The following SLC25A41 variants were observed in gnomAD, a reference collection of about 807,000 sequenced individuals.
SLC25A41 encodes the protein mitochondrial carrier protein SCaMC-3L.
In SLC25A41, 35 loss-of-function variants were observed where a neutral mutation model predicts 34.7. The ratio of observed to expected loss-of-function variants is 1.01; its 90% CI spans 0.77 to 1.34. The LOEUF is 1.34. Ranked by LOEUF, SLC25A41 falls within the 40% of genes most tolerant of loss-of-function variation. The pLI is 0.00. For missense variants in SLC25A41, 492 were observed against 489.8 expected (o/e 1.00, Z -0.04); for synonymous variants, 190 against 209.9 (o/e 0.91, Z 0.82).
chr19:6,432,985 C>G (rs2092292802), intron 1 of SLC25A41, among the ~76,000 whole-genome samples: 2 of 151,810 alleles, frequency 1.3e-5, no homozygotes, highest in Non-Finnish European at 2.9e-5. Context: ...TATAGACTCT[C>G]TAAGTTACTC....
rs2092293414 is a variant in SLC25A41, at chr19:6,433,150, GC to G, written c.207+336del. ...TGCAACCTCTACCTCCTGAGTTCAA[GC>G]GATTCTCCTGCCTCAGCCTCCTGAG... On this transcript the variant is annotated intron_variant, in intron 1 of 6. Transcript: ENST00000321510. Among the ~76,000 whole-genome samples, 4 of 152,238 alleles carry G rather than the reference GC, an allele frequency of 2.6e-5. No homozygotes were observed. In the South Asian group the frequency reaches 6.2e-4, roughly 24 times the overall value.
At chr19:6,431,128 TTTAA>T (rs886183094) in intron 2 of SLC25A41, among the ~76,000 whole-genome samples, 18 of 151,920 alleles carry the variant, frequency 1.2e-4, no homozygotes, top group Admixed American at 3.3e-4. Flanking sequence ...TTTTTAAATT[TTTAA>T]TTAATTAATT....
chr19:6,434,102 C>T (rs893049569), upstream of SLC25A41, among the ~76,000 whole-genome samples: 1 of 152,148 alleles, frequency 6.6e-6, no homozygotes, highest in African/African-American at 2.4e-5. Context: ...CGCCACCACG[C>T]CCAGCTAATT....
chr19:6,429,951 T>G, intron 3 of SLC25A41, 58 bp downstream of exon 3: 1 of 1,596,916 alleles, frequency 6.3e-7, no homozygotes, highest in Non-Finnish European at 8.5e-7. Context: ...CCTGGAGTTT[T>G]GGGGGCATGG....
rs961111461 is a variant in SLC25A41, at chr19:6,427,600, C to T, written c.625-99G>A. 1.5e-6 allele frequency: 2 copies of T among 1,320,550 alleles called. No individual in the cohort carries two copies. Among genetic ancestry groups the T allele is most frequent in the South Asian group, 1.7e-5 (1 of 57,422 alleles). The allele number at this position is 1,320,550 out of a possible 1,614,324, so 81.8% of individuals were successfully genotyped here. Reference sequence around the variant, plus strand: ...CACCCTACAAACAAGGAAAATGAGGCTCAGGAAGGCAAAGAGCTGGGTTTC... The same window carrying T: ...CACCCTACAAACAAGGAAAATGAGGTTCAGGAAGGCAAAGAGCTGGGTTTC... On this transcript the variant is annotated intron_variant, in intron 4 of 6. Coordinates refer to ENST00000321510, the MANE Select transcript of SLC25A41 (RefSeq NM_173637.4). The surrounding 1 kb of genome is among the most constrained non-coding windows in gnomAD (Gnocchi z 4.9).
At position 6,432,029 on chromosome 19, in the gene SLC25A41, T is replaced by C; in HGVS notation, c.363+20A>G. 6.2e-7 allele frequency: 1 copy of C among 1,600,142 alleles called. No individual in the cohort carries two copies. The highest frequency in any genetic ancestry group is 8.5e-7 in the Non-Finnish European group (1 of 1,172,708). ...GTGGCTCCAGCGCTGGGTCCCGTCC[T>C]CCCCCCAACCCACACAAACCTGCAT... On this transcript the variant is annotated intron_variant, in intron 2 of 6. Transcript: ENST00000321510.
intron 2 of SLC25A41, chr19:6,430,531 A>T (rs1433015102): frequency 2.7e-6 from 1 of 370,366 alleles, no homozygotes; most frequent in Admixed American, 3.8e-5. Context: ...TCTGTCGCCC[A>T]GGCTGGAGTG....
intron 4 of SLC25A41, among the ~76,000 whole-genome samples, chr19:6,429,338 G>A (rs1190173736): frequency 3.2e-5 from 4 of 123,108 alleles, no homozygotes; most frequent in Non-Finnish European, 3.4e-5. Context: ...GAGGTAAAGG[G>A]GGAAGAGGGA....
chr19:6,431,494 C>T (rs940691111), intron 2 of SLC25A41, among the ~76,000 whole-genome samples: 13 of 150,906 alleles, frequency 8.6e-5, no homozygotes, highest in Non-Finnish European at 1.8e-4. Context: ...GGCTGGAGTG[C>T]AGTGATGCAA....
chr19:6,435,911 C>T (rs1052755902), upstream of SLC25A41, among the ~76,000 whole-genome samples: 8 of 152,068 alleles, frequency 5.3e-5, no homozygotes, highest in Non-Finnish European at 1.2e-4. Context: ...GTCCCAGCTA[C>T]TCCGGAGGCT....
Position 6,427,833 on chromosome 19 carries a change from A to T in SLC25A41, c.625-332T>A, listed in dbSNP as rs1484672064. ...GAGACCCCATCTTTACAAAAAAATC[A>T]ATAAAATAAAAATAAGATGTATATG... On this transcript the variant is annotated intron_variant, in intron 4 of 6. Transcript: ENST00000321510. This position sits in a 1 kb window ranked among gnomAD's most constrained non-coding sequence, Gnocchi z 4.9. Among the ~76,000 whole-genome samples, 1 of 152,184 alleles carries T rather than the reference A, an allele frequency of 6.6e-6. No homozygotes were observed. The highest frequency in any genetic ancestry group is 1.5e-5 in the Non-Finnish European group (1 of 68,028).
chr19:6,432,033 C>T lies in SLC25A41; in HGVS notation c.363+16G>A. 5.0e-6 allele frequency: 8 copies of T among 1,604,754 alleles called. No homozygotes were observed. Among genetic ancestry groups the T allele is most frequent in the Non-Finnish European group, 6.8e-6 (8 of 1,174,904 alleles). ...CTCCAGCGCTGGGTCCCGTCCTCCC[C>T]CCAACCCACACAAACCTGCATGTAC... On this transcript the variant is annotated intron_variant, in intron 2 of 6. Coordinates refer to ENST00000321510, the MANE Select transcript of SLC25A41 (RefSeq NM_173637.4).
At chr19:6,429,196 TA>T (rs2092268651) in intron 4 of SLC25A41, among the ~76,000 whole-genome samples, 1 of 84,856 alleles carries the variant, frequency 1.2e-5, no homozygotes, top group Non-Finnish European at 2.2e-5. Flanking sequence ...GTTATATATA[TA>T]ATATATATGT....
chr19:6,433,980 G>A (rs930013756), upstream of SLC25A41, among the ~76,000 whole-genome samples: 2 of 152,176 alleles, frequency 1.3e-5, no homozygotes, highest in African/African-American at 4.8e-5. Context: ...GTCTCGCTCA[G>A]TCTCCCAGGC....
intron 1 of SLC25A41, among the ~76,000 whole-genome samples, 181 bp from the exon 2 acceptor site, chr19:6,432,385 T>A (rs757580064): frequency 2.7e-4 from 41 of 150,310 alleles, no homozygotes; most frequent in Non-Finnish European, 5.6e-4. Flanking sequence ...CAATCTCAGC[T>A]CGTTGCAACC....
chr19:6,429,102 T>TATATAATATATATGTTAC (rs1599255380), intron 4 of SLC25A41, among the ~76,000 whole-genome samples: 2 of 50,834 alleles, frequency 3.9e-5, no homozygotes, highest in African/African-American at 1.6e-4. Context: ...ATGTTACATA[T>TATATAATATATATGTTAC]ATATATAATA....
intron 1 of SLC25A41, 126 bp from the exon 2 acceptor site, chr19:6,432,330 C>T (rs986526022): frequency 2.2e-5 from 21 of 971,298 alleles, no homozygotes; most frequent in South Asian, 1.7e-4. Flanking sequence ...TTTTTTTTTT[C>T]GAGACGGAGT....
At position 6,427,469 on chromosome 19, in the gene SLC25A41, C is replaced by T. The variant is rs757602164; in HGVS notation, c.657G>A (p.Thr219=). 1.7e-5 allele frequency: 26 copies of T among 1,574,020 alleles called. No individual in the cohort carries two copies. The highest frequency in any genetic ancestry group is 5.7e-5 in the South Asian group (5 of 87,294). Reference sequence around the variant, plus strand: ...AGTCCAGCAGCCCCTTGTACTGGCCCGTCCGACGCAAGGTCAACCGCGTCT... The same window carrying T: ...AGTCCAGCAGCCCCTTGTACTGGCCTGTCCGACGCAAGGTCAACCGCGTCT... The part of the protein sequence containing the change: ...VLKTRLTLRR[T]GQYKGLLDCA... Residue 219 remains threonine (T), a synonymous_variant, in exon 5 of 7, where the codon ACG becomes ACA. Coordinates refer to ENST00000321510, the MANE Select transcript of SLC25A41 (RefSeq NM_173637.4). This position sits in a 1 kb window ranked among gnomAD's most constrained non-coding sequence, Gnocchi z 4.9.
chr19:6,429,939 G>A (rs1263372513), intron 3 of SLC25A41, 70 bp downstream of exon 3: 3 of 1,593,020 alleles, frequency 1.9e-6, no homozygotes, highest in Non-Finnish European at 2.6e-6. Context: ...CTTGAACAAG[G>A]GCCTGGAGTT....
Sources: allele counts gnomAD v4.1 joint callset (sites outside exome capture counted in the v4.1 genomes callset), GRCh38; gene constraint gnomAD v4.1.1; non-coding constraint Gnocchi (gnomAD v3.1); transcripts MANE v1.5; gene names NCBI Gene and HGNC (gene_info 2026-07-23, HGNC 2026-07-21).